The following ARL17B variants were observed in gnomAD, a reference collection of about 807,000 sequenced individuals.
ARL17B encodes the protein ARF like GTPase 17B, also known as ADP-ribosylation factor-like protein 17.
At chr17:46,283,238 G>T (rs1234149368) in intron 4 of ARL17B, among the ~76,000 whole-genome samples, 1 of 152,216 alleles carries the variant, frequency 6.6e-6, no homozygotes, top group Non-Finnish European at 1.5e-5. Context: ...AGTATTCTAA[G>T]ATATTAATTT....
chr17:46,289,681 A>G (rs1310605858), intron 4 of ARL17B, among the ~76,000 whole-genome samples: 2 of 152,260 alleles, frequency 1.3e-5, no homozygotes, highest in African/African-American at 4.8e-5. Flanking sequence ...AATTTTAAAT[A>G]CCAAAAATAT....
chr17:46,290,341 G>T (rs1346918080), intron 4 of ARL17B, among the ~76,000 whole-genome samples: 1 of 152,078 alleles, frequency 6.6e-6, no homozygotes, highest in Non-Finnish European at 1.5e-5. Context: ...GCCCAGGCTG[G>T]TCTCAAAATC....
At chr17:46,298,705 CAG>C (rs1310347517), downstream of ARL17B, among the ~76,000 whole-genome samples, 1 of 89,612 alleles carries the variant, frequency 1.1e-5, no homozygotes, top group Non-Finnish European at 2.3e-5. Context: ...GCCTGGGCGA[CAG>C]AGCAAGACTC....
intron 4 of ARL17B, among the ~76,000 whole-genome samples, chr17:46,280,122 C>T (rs1229734265): frequency 6.6e-6 from 1 of 152,234 alleles, no homozygotes; most frequent in Admixed American, 6.5e-5. Context: ...TCTGTAATCC[C>T]AGCACTTTGG....
chr17:46,352,030 G>A (rs1197415773), intron 3 of ARL17B, among the ~76,000 whole-genome samples: 1 of 151,798 alleles, frequency 6.6e-6, no homozygotes, highest in Non-Finnish European at 1.5e-5. Flanking sequence ...GAGGTCGGGA[G>A]TTCGAGACCA....
At chr17:46,343,066 C>T (rs2144220865) in intron 3 of ARL17B, among the ~76,000 whole-genome samples, 1 of 52,936 alleles carries the variant, frequency 1.9e-5, no homozygotes, top group Non-Finnish European at 3.5e-5. Flanking sequence ...TAATGACCAC[C>T]TTTCCCAGGA....
chr17:46,286,228 C>T (rs2696502), intron 4 of ARL17B, among the ~76,000 whole-genome samples: 12,791 of 138,140 alleles, frequency 0.093, 5 homozygotes, highest in Middle Eastern at 0.17. Flanking sequence ...CTTTCAAGAT[C>T]GACATTCCAG....
chr17:46,289,061 C>T (rs1474185449), intron 4 of ARL17B, among the ~76,000 whole-genome samples: 1 of 152,172 alleles, frequency 6.6e-6, no homozygotes, highest in Non-Finnish European at 1.5e-5. Context: ...CTTCTGCTAT[C>T]CTGTAGTACA....
intron 4 of ARL17B, among the ~76,000 whole-genome samples, chr17:46,284,342 G>C (rs1042936556): frequency 1.3e-5 from 2 of 152,226 alleles, no homozygotes; most frequent in African/African-American, 4.8e-5. Flanking sequence ...GACTCTTAAG[G>C]AGCATGCTGC....
At chr17:46,357,052 A>C in intron 2 of ARL17B, among the ~76,000 whole-genome samples, 1 of 44,216 alleles carries the variant, frequency 2.3e-5, no homozygotes. Context: ...GAACGTCTGT[A>C]ATTCCACCTA....
chr17:46,334,739 TA>T, downstream of ARL17B: 1 of 90,952 alleles, frequency 1.1e-5, no homozygotes. Flanking sequence ...AAACAGTCAA[TA>T]AAATGTATTA....
chr17:46,275,650 T>G (rs542896145), intron 4 of ARL17B, among the ~76,000 whole-genome samples: 1 of 152,334 alleles, frequency 6.6e-6, no homozygotes, highest in South Asian at 2.1e-4. Context: ...AAAATATGTA[T>G]GTATATATAT....
chr17:46,294,006 C>T lies in ARL17B; in HGVS notation c.*21+5520G>A, dbSNP rs2050145799. ...GGTTCAAGTGATTCTCCTGCTTTGG[C>T]CTCCTGAGTAGCTGGGATTGCAGGT... On this transcript the variant is annotated intron_variant, in intron 4 of 4. Transcript: ENST00000570618. 2 of 107,194 alleles carry T rather than the reference C, an allele frequency of 1.9e-5. 1 individual carries two copies. The highest frequency in any genetic ancestry group is 4.2e-5 in the Non-Finnish European group (2 of 47,952). The allele number at this position is 107,194 out of a possible 1,614,324, so 6.6% of individuals were successfully genotyped here.
chr17:46,309,012 C>T lies in ARL17B; in HGVS notation c.260-9347G>A, dbSNP rs1430713941. ...TTCCAATAGTTACAACCCAGTAAAT[C>T]TCTTGAATGAAGCCTCTATGTTATT... On this transcript the variant is annotated intron_variant, in intron 3 of 4. Transcript: ENST00000434041. 5.3e-5 allele frequency among the ~76,000 whole-genome samples: 4 copies of T among 74,924 alleles called. 1 individual carries two copies. The highest frequency in any genetic ancestry group is 1.4e-4 in the African/African-American group (4 of 29,162). The allele number at this position is 74,924 out of a possible 152,430, so 49.2% of individuals were successfully genotyped here. A position where few individuals can be genotyped will look rare whatever the true frequency, so the allele number is the denominator to read the frequency against.
At chr17:46,285,604 G>A (rs1165525794) in intron 4 of ARL17B, among the ~76,000 whole-genome samples, 2 of 152,148 alleles carry the variant, frequency 1.3e-5, no homozygotes, top group African/African-American at 4.8e-5. Context: ...CTCAATCCAT[G>A]GGAGTGAGAG....
At chr17:46,286,152 A>C (rs1213651453) in intron 4 of ARL17B, among the ~76,000 whole-genome samples, 2 of 152,240 alleles carry the variant, frequency 1.3e-5, no homozygotes, top group African/African-American at 4.8e-5. Flanking sequence ...ACTTATAATA[A>C]AGCATGCACC....
intron 3 of ARL17B, chr17:46,309,729 T>TC (rs1379303198): frequency 1.5e-4 from 1 of 6,586 alleles, no homozygotes; most frequent in Non-Finnish European, 5.1e-4. Flanking sequence ...GCCTTACTGT[T>TC]CCCCCCAGTC....
At chr17:46,288,558 A>G (rs2049980728) in intron 4 of ARL17B, among the ~76,000 whole-genome samples, 2 of 151,950 alleles carry the variant, frequency 1.3e-5, no homozygotes, top group African/African-American at 4.8e-5. Context: ...TTGGCCTCCC[A>G]AAGTCCTGAG....
chr17:46,287,106 C>T (rs2049941475), intron 4 of ARL17B, among the ~76,000 whole-genome samples: 1 of 152,208 alleles, frequency 6.6e-6, no homozygotes, highest in South Asian at 2.1e-4. Flanking sequence ...TGAATCCAAC[C>T]ATTCTACCCC....
Sources: allele counts gnomAD v4.1 joint callset (sites outside exome capture counted in the v4.1 genomes callset), GRCh38; gene constraint gnomAD v4.1.1; transcripts MANE v1.5; gene names NCBI Gene and HGNC (gene_info 2026-07-23, HGNC 2026-07-21).